ECPAS: variants seen among roughly 807,000 people sequenced by gnomAD.
ECPAS encodes Ecm29 proteasome adaptor and scaffold.
A neutral mutation model predicts 255.1 loss-of-function variants in ECPAS; 70 were observed. That is an observed-to-expected ratio of 0.27 (90% confidence interval 0.23 to 0.33). The LOEUF is 0.33. Ranked by LOEUF, ECPAS falls within the 10% of genes least tolerant of loss-of-function variation. ECPAS has a pLI of 1.00. For synonymous variants in ECPAS, 784 were observed against 775.0 expected, an observed-to-expected ratio of 1.01 and a Z score of -0.19; for missense variants, 1,817 against 2,206.4, an observed-to-expected ratio of 0.82 and a Z score of 3.54.
intron 24 of ECPAS, among the ~76,000 whole-genome samples, chr9:111,397,569 G>A (rs1257977617): frequency 1.3e-5 from 2 of 152,068 alleles, no homozygotes; most frequent in Non-Finnish European, 2.9e-5. Context: ...TTTGTAAAAG[G>A]GGCATAATAT....
At chr9:111,423,270 GAAAGA>G (rs753084264) in intron 12 of ECPAS, 22 bp from the exon 13 acceptor site, 5 of 1,486,988 alleles carry the variant, frequency 3.4e-6, no homozygotes, top group Non-Finnish European at 3.6e-6. Context: ...AAAAAGAAAA[GAAAGA>G]AAAGAAAGAA....
Position 111,442,318 on chromosome 9 carries a change from G to A in ECPAS, c.377C>T (p.Pro126Leu). 2 of 1,607,564 alleles carry A rather than the reference G, an allele frequency of 1.2e-6. No individual in the cohort carries two copies. The highest frequency in any genetic ancestry group is 1.7e-6 in the Non-Finnish European group (2 of 1,175,476). Residue 126 changes from proline to leucine, a missense_variant, in exon 5 of 50, where the codon CCA (proline) becomes CTA (leucine). Physicochemically the swap from Pro to Leu is moderately conservative, Grantham distance 98. This residue lies in a region of ECPAS where 90 missense variants were observed against 158.5 expected (regional missense o/e 0.57). Coordinates refer to ENST00000684092, the MANE Select transcript of ECPAS (RefSeq NM_001364929.1). Reference sequence around the variant, plus strand: ...GAGGAAATCATACCTATCCTGCTGTGGCTGAGGCTTCCCTTCCATGGCAGT... The same window carrying A: ...GAGGAAATCATACCTATCCTGCTGTAGCTGAGGCTTCCCTTCCATGGCAGT... ...LLTAMEGKPQ[P>L]QQDSLMHLLI... is the part of the protein sequence containing the mutation.
chr9:111,411,862 A>G (rs1589160502), intron 21 of ECPAS, 152 bp downstream of exon 21: 9 of 626,340 alleles, frequency 1.4e-5, no homozygotes, highest in Non-Finnish European at 2.3e-5. Context: ...GACTGAACCA[A>G]TGTATCACCT....
At chr9:111,438,579 G>A (rs1039775590) in intron 6 of ECPAS, among the ~76,000 whole-genome samples, 7 of 152,170 alleles carry the variant, frequency 4.6e-5, no homozygotes, top group African/African-American at 1.2e-4. Context: ...TAGCCTGGGC[G>A]ACAGACTGAG....
chr9:111,452,546 T>A (rs899857227), intron 2 of ECPAS, among the ~76,000 whole-genome samples: 3 of 152,206 alleles, frequency 2.0e-5, no homozygotes, highest in African/African-American at 7.2e-5. Flanking sequence ...GGAGGGGTTA[T>A]GTAAGTAAAA....
intron 45 of ECPAS, among the ~76,000 whole-genome samples, chr9:111,369,665 G>C (rs1170230192): frequency 1.3e-5 from 2 of 152,126 alleles, no homozygotes; most frequent in Admixed American, 6.6e-5. Context: ...CTGCAATTTA[G>C]GAGCAATAAG....
chr9:111,457,490 T>C (rs752629657), intron 2 of ECPAS, among the ~76,000 whole-genome samples: 1 of 152,166 alleles, frequency 6.6e-6, no homozygotes, highest in Non-Finnish European at 1.5e-5. Context: ...ATCTCTGCCA[T>C]TGTAACAGGA....
chr9:111,466,728 A>G (rs1355231588), intron 2 of ECPAS, among the ~76,000 whole-genome samples: 5 of 151,954 alleles, frequency 3.3e-5, no homozygotes, highest in Admixed American at 1.3e-4. Context: ...AGCTCATTGC[A>G]GTCTCAAGCC....
chr9:111,397,641 T>C (rs1055669406), intron 24 of ECPAS, among the ~76,000 whole-genome samples: 1 of 152,218 alleles, frequency 6.6e-6, no homozygotes, highest in African/African-American at 2.4e-5. Context: ...AACTATTATA[T>C]AGGATGCTTG....
intron 46 of ECPAS, among the ~76,000 whole-genome samples, chr9:111,367,570 C>G (rs143961295): frequency 0.014 from 2,135 of 152,210 alleles, 43 homozygotes; most frequent in African/African-American, 0.048. Flanking sequence ...ACTTCCATGG[C>G]AGTCTATAAC....
intron 23 of ECPAS, 112 bp from the exon 24 acceptor site, chr9:111,408,784 C>A (rs181167830): frequency 7.6e-6 from 4 of 529,106 alleles, no homozygotes; most frequent in Non-Finnish European, 9.7e-6. Context: ...AACACATCAA[C>A]GCAAAAGTTT....
At chr9:111,415,547 C>G (rs1468052857) in intron 18 of ECPAS, among the ~76,000 whole-genome samples, 1 of 151,724 alleles carries the variant, frequency 6.6e-6, no homozygotes, top group African/African-American at 2.4e-5. Flanking sequence ...AAAAAGATAA[C>G]AGAATTAGCC....
chr9:111,422,711 T>C (rs1024249934), intron 13 of ECPAS, among the ~76,000 whole-genome samples: 5 of 152,078 alleles, frequency 3.3e-5, no homozygotes, highest in Non-Finnish European at 5.9e-5. Context: ...GCTTCATCTC[T>C]ATCTCCCTGC....
chr9:111,430,490 G>T, intron 9 of ECPAS, 57 bp downstream of exon 9: 1 of 1,032,056 alleles, frequency 9.7e-7, no homozygotes, highest in Non-Finnish European at 1.5e-6. Flanking sequence ...TAAATACGCA[G>T]TTCATGTCAA....
chr9:111,409,009 C>G (rs1259000250), intron 23 of ECPAS, among the ~76,000 whole-genome samples: 1 of 152,188 alleles, frequency 6.6e-6, no homozygotes, highest in East Asian at 1.9e-4. Context: ...TCAGCCTATA[C>G]TGGTGTGCGA....
chr9:111,421,301 TCTGA>T (rs1402029875), intron 15 of ECPAS, among the ~76,000 whole-genome samples: 1 of 152,178 alleles, frequency 6.6e-6, no homozygotes, highest in Non-Finnish European at 1.5e-5. Context: ...TTTATATTAA[TCTGA>T]CTGACACTTT....
At position 111,385,432 on chromosome 9, in the gene ECPAS, A is replaced by G. The variant is rs1430120526; in HGVS notation, c.3538T>C (p.Leu1180=). ...GGTCTTCCTCTCAATAAATCATTCA[A>G]AGCTAAACAGCTGAAAATCAAAATT... ...WRVRESSCLA[L]NDLLRGRPLD... The change falls in exon 33 of 50, where the codon TTG becomes CTG. Residue 1180 remains leucine, a synonymous_variant. Coordinates refer to ENST00000684092, the MANE Select transcript of ECPAS (RefSeq NM_001364929.1). The G allele has an allele frequency of 1.9e-6, 3 of 1,549,192 alleles. No individual in the cohort carries two copies. The highest frequency in any genetic ancestry group is 2.6e-6 in the Non-Finnish European group (3 of 1,142,394).
At position 111,428,398 on chromosome 9, in the gene ECPAS, T is replaced by C. The variant is rs1041395145; in HGVS notation, c.931-237A>G. Among the ~76,000 whole-genome samples, 11 of 152,174 alleles carry C rather than the reference T, an allele frequency of 7.2e-5. 1 individual carries two copies. Among genetic ancestry groups the C allele is most frequent in the Admixed American group, 7.2e-4 (11 of 15,282 alleles). ...TAACATATTTGTTTACTCACAATTA[T>C]TAATAAACTCATTATTTTCAAAACT... On this transcript the variant is annotated intron_variant, in intron 9 of 49. Coordinates refer to ENST00000684092, the MANE Select transcript of ECPAS (RefSeq NM_001364929.1).
chr9:111,478,148 A>G (rs1287693053), intron 1 of ECPAS, among the ~76,000 whole-genome samples: 1 of 151,204 alleles, frequency 6.6e-6, no homozygotes, highest in Non-Finnish European at 1.5e-5. Context: ...TGATCTGACC[A>G]CCTCGACCTC....
Sources: allele counts gnomAD v4.1 joint callset (sites outside exome capture counted in the v4.1 genomes callset), GRCh38; gene constraint gnomAD v4.1.1; regional missense constraint gnomAD v4.1.1; transcripts MANE v1.5; gene names NCBI Gene and HGNC (gene_info 2026-07-23, HGNC 2026-07-21).